The following TSN variants were observed in gnomAD, a reference collection of about 807,000 sequenced individuals.
TSN encodes the protein component 3 of promoter of RISC.
In TSN, 5 loss-of-function variants were observed where a neutral mutation model predicts 29.4. The ratio of observed to expected loss-of-function variants is 0.17; its 90% confidence interval spans 0.09 to 0.36. The LOEUF is 0.36. TSN is among the 10% of genes least tolerant of loss of function. The pLI is 1.00. For synonymous variants in TSN, 106 were observed against 102.2 expected (o/e 1.04, Z -0.23); for missense variants, 159 against 272.8 (o/e 0.58, Z 2.94).
At chr2:121,758,872 C>A in intron 3 of TSN, 66 bp downstream of exon 3, 6 of 1,082,186 alleles carry the variant, frequency 5.5e-6, no homozygotes, top group Middle Eastern at 2.8e-4. Flanking sequence ...TTATGTGTAC[C>A]AAATGATTGC....
chr2:121,762,679 CTT>C (rs1199203220), intron 4 of TSN, among the ~76,000 whole-genome samples: 1 of 144,526 alleles, frequency 6.9e-6, no homozygotes, highest in African/African-American at 2.9e-5. Flanking sequence ...TTGTGTGTGT[CTT>C]TGTCAGCCAT....
chr2:121,759,123 A>G (rs2074787335), intron 3 of TSN, among the ~76,000 whole-genome samples: 1 of 152,246 alleles, frequency 6.6e-6, no homozygotes, highest in Non-Finnish European at 1.5e-5. Flanking sequence ...AACTATAGTT[A>G]GTGAAATAAT....
At chr2:121,757,678 CG>C (rs2074769828) in intron 2 of TSN, 1 of 217,806 alleles carries the variant, frequency 4.6e-6, no homozygotes, top group Non-Finnish European at 9.2e-6. Flanking sequence ...TTTTCTGAGA[CG>C]GAGTTTCACT....
intron 4 of TSN, among the ~76,000 whole-genome samples, chr2:121,762,446 A>G (rs1021173466): frequency 6.6e-6 from 1 of 152,208 alleles, no homozygotes; most frequent in African/African-American, 2.4e-5. Context: ...AATATTTTCT[A>G]TCCATAGTTG....
At position 121,765,563 on chromosome 2, in the gene TSN, T is replaced by C; in HGVS notation, c.*196T>C. The C allele has an allele frequency of 1.7e-6, 1 of 591,718 alleles. No homozygotes were observed. The highest frequency in any genetic ancestry group is 4.5e-4 in the Middle Eastern group (1 of 2,226). The allele number at this position is 591,718 out of a possible 1,614,324, so 36.7% of individuals were successfully genotyped here. A position where few individuals can be genotyped will look rare whatever the true frequency, so the allele number is the denominator to read the frequency against. ...ATATAGCCTTTACATGGACAGAATT[T>C]TTTTTGTTGTTTCAGTGAATATGCC... On this transcript the variant is annotated 3_prime_UTR_variant, in exon 6 of 6. Transcript: ENST00000389682.
At position 121,763,173 on chromosome 2, in the gene TSN, C is replaced by T. The variant is rs183485644; in HGVS notation, c.453+89C>T. On this transcript the variant is annotated intron_variant, in intron 5 of 5. Transcript: ENST00000389682. ...TTTTTTTTTTTTTGAGACAGAGTCCCGCTCTGTCGCCTAGGCTGGAGTGCA... is the reference window on the plus strand; with the variant it reads ...TTTTTTTTTTTTTGAGACAGAGTCCTGCTCTGTCGCCTAGGCTGGAGTGCA... The T allele has an allele frequency of 4.0e-4, 386 of 963,868 alleles. 2 individuals are homozygous for T. Among genetic ancestry groups the T allele is most frequent in the African/African-American group, 2.4e-3 (136 of 56,328 alleles). 59.7% of individuals were successfully genotyped at this position (963,868 alleles called of 1,614,324 possible).
Position 121,766,469 on chromosome 2 carries a change from CAA to C in TSN, c.*1105_*1106del, listed in dbSNP as rs2074903275. The C allele has an allele frequency of 6.6e-6, 1 of 152,046 alleles. No homozygotes were observed. Among genetic ancestry groups the C allele is most frequent in the African/African-American group, 2.4e-5 (1 of 41,402 alleles). 9.4% of individuals were successfully genotyped at this position (152,046 alleles called of 1,614,324 possible). On this transcript the variant is annotated 3_prime_UTR_variant, in exon 6 of 6. Coordinates refer to ENST00000389682, the MANE Select transcript of TSN (RefSeq NM_004622.3). ...AAAACAAAAACCACGAAAGCACACA[CAA>C]AATAAATCAGTGGGATTTGGTAATG...
At position 121,758,733 on chromosome 2, in the gene TSN, C is replaced by A; in HGVS notation, c.184C>A (p.Arg62=). Residue 62 remains arginine (R), a synonymous_variant, in exon 3 of 6, where the codon CGA becomes AGA. Transcript: ENST00000389682. ...QDIPKRCLKA[R]EHFGTVKTHL... ...AGTTCCAAAGAGGTGTTTGAAAGCTCGAGAACATTTTGGTACAGTAAAAAC... is the reference window on the plus strand; with the variant it reads ...AGTTCCAAAGAGGTGTTTGAAAGCTAGAGAACATTTTGGTACAGTAAAAAC... The A allele has an allele frequency of 6.3e-7, 1 of 1,584,216 alleles. No homozygotes were observed. Among genetic ancestry groups the A allele is most frequent in the South Asian group, 1.2e-5 (1 of 83,464 alleles).
At position 121,760,636 on chromosome 2, in the gene TSN, A is replaced by G. The variant is rs775405605; in HGVS notation, c.258-773A>G. ...GGCTTCTAGCTCAGTATTCTATTTT[A>G]AGTGCATTTGTTTAGTGATTGCAAA... On this transcript the variant is annotated intron_variant, in intron 3 of 5. Coordinates refer to ENST00000389682, the MANE Select transcript of TSN (RefSeq NM_004622.3). 1.1e-4 allele frequency among the ~76,000 whole-genome samples: 17 copies of G among 152,134 alleles called. 1 individual carries two copies. Among genetic ancestry groups the G allele is most frequent in the Non-Finnish European group, 1.8e-4 (12 of 68,036 alleles).
At chr2:121,765,103 A>T (rs1391136977) in intron 5 of TSN, 31 bp from the exon 6 acceptor site, 1 of 1,605,876 alleles carries the variant, frequency 6.2e-7, no homozygotes, top group South Asian at 1.1e-5. Flanking sequence ...CCATGTTGTA[A>T]CAAGCCCCTG....
chr2:121,765,061 T>G (rs1271416962), intron 5 of TSN, 73 bp from the exon 6 acceptor site: 1 of 1,432,504 alleles, frequency 7.0e-7, no homozygotes, highest in Non-Finnish European at 9.8e-7. Context: ...TTCTTCTGGT[T>G]GTGATTCAGA....
Position 121,755,809 on chromosome 2 carries a change from G to T in TSN, c.30G>T (p.Leu10=). The T allele has an allele frequency of 1.2e-6, 2 of 1,614,096 alleles. No individual in the cohort carries two copies. The highest frequency in any genetic ancestry group is 8.5e-7 in the Non-Finnish European group (1 of 1,180,044). MSVSEIFVE[L]QGFLAAEQDI... is the part of the protein sequence containing the mutation. ...CTGTGAGCGAGATCTTCGTGGAGCTGCAGGGCTTTTTGGCTGCCGAGCAGG... is the reference window on the plus strand; with the variant it reads ...CTGTGAGCGAGATCTTCGTGGAGCTTCAGGGCTTTTTGGCTGCCGAGCAGG... The change falls in exon 1 of 6, where the codon CTG becomes CTT. Residue 10 remains leucine (L), a synonymous_variant. Transcript: ENST00000389682.
In TSN at chr2:121,761,556, T is replaced by A. The variant is rs1468396672; in HGVS notation, c.373+32T>A. The A allele has an allele frequency of 4.0e-6, 6 of 1,511,648 alleles. No individual in the cohort carries two copies. The South Asian group carries it at 6.7e-5, about 17-fold the overall frequency. 93.6% of individuals were successfully genotyped at this position (1,511,648 alleles called of 1,614,324 possible). On this transcript the variant is annotated intron_variant, in intron 4 of 5. Transcript: ENST00000389682. Reference sequence around the variant, plus strand: ...GTCTTTATTAGTGGGATCTGCAGAATCAGGCATGGTTGCTTACTTTTTGGT... The same window carrying A: ...GTCTTTATTAGTGGGATCTGCAGAAACAGGCATGGTTGCTTACTTTTTGGT...
At chr2:121,762,462 C>T (rs1257470550) in intron 4 of TSN, among the ~76,000 whole-genome samples, 3 of 152,184 alleles carry the variant, frequency 2.0e-5, no homozygotes, top group Non-Finnish European at 2.9e-5. Context: ...AGTTGGTTAG[C>T]GCAGAGGGCC....
intron 4 of TSN, 58 bp downstream of exon 4, chr2:121,761,582 G>A: frequency 7.6e-7 from 1 of 1,312,648 alleles, no homozygotes. Context: ...ACTTTTTGGT[G>A]GAAAGGGTGG....
At chr2:121,762,611 A>G (rs1300075300) in intron 4 of TSN, among the ~76,000 whole-genome samples, 1 of 152,262 alleles carries the variant, frequency 6.6e-6, no homozygotes, top group East Asian at 1.9e-4. Flanking sequence ...ACCTGTTTAC[A>G]TGCCACTTAG....
At chr2:121,756,033 G>A in intron 1 of TSN, 188 bp downstream of exon 1, 5 of 1,222,156 alleles carry the variant, frequency 4.1e-6, no homozygotes, top group Non-Finnish European at 5.4e-6. Flanking sequence ...CTGATTCCCC[G>A]TGTTCGAGTC....
At chr2:121,756,246 T>G (rs2074745154) in intron 1 of TSN, 1 of 257,504 alleles carries the variant, frequency 3.9e-6, no homozygotes, top group Non-Finnish European at 7.8e-6. Flanking sequence ...CAGACTCTAC[T>G]GTGGCTCACA....
chr2:121,755,939 G>T, intron 1 of TSN, 94 bp downstream of exon 1: 1 of 1,585,222 alleles, frequency 6.3e-7, no homozygotes, highest in Non-Finnish European at 8.6e-7. Flanking sequence ...TCGGGCGGTG[G>T]GGACGCCTCC....
Sources: gnomAD v4.1 joint callset for allele counts (sites outside exome capture counted in the v4.1 genomes callset) on GRCh38, gnomAD v4.1.1 for gene constraint, MANE v1.5 for transcripts, NCBI Gene and HGNC (gene_info 2026-07-23, HGNC 2026-07-21) for gene names.